Variants in RARS2 observed in about 807,000 individuals in gnomAD.
The protein encoded by RARS2 is probable arginine--tRNA ligase, mitochondrial.
In RARS2, 67 loss-of-function variants were observed where a neutral mutation model predicts 88.5. The ratio of observed to expected loss-of-function variants is 0.76; its 90% CI spans 0.62 to 0.93. The LOEUF is 0.93. Among genes scored for constraint, RARS2 ranks in the 40% least tolerant of loss-of-function variants. The probability of loss-of-function intolerance (pLI) is 0.00; values close to 1 mark genes in which losing one functional copy is unlikely to be tolerated. For synonymous variants in RARS2, 239 were observed against 230.3 expected (o/e 1.04, Z -0.34); for missense variants, 664 against 684.2 (o/e 0.97, Z 0.33).
At position 87,555,355 on chromosome 6, in the gene RARS2, T is replaced by C. The variant is rs1785544673; in HGVS notation, c.395+53A>G. 8 of 1,370,984 alleles carry C rather than the reference T, an allele frequency of 5.8e-6. No individual in the cohort carries two copies. The South Asian group carries it at 9.3e-5, about 16-fold the overall frequency. 84.9% of individuals were successfully genotyped at this position (1,370,984 alleles called of 1,614,324 possible). A position where few individuals can be genotyped will look rare whatever the true frequency, so the allele number is the denominator to read the frequency against. ...CCCCAAATAATGATGGTAATAACAC[T>C]CCTCTGCCCAGTCAACTTGATTAAG... is the stretch of plus-strand genomic sequence containing the variant. On this transcript the variant is annotated intron_variant, in intron 5 of 19. Transcript: ENST00000369536.
intron 10 of RARS2, among the ~76,000 whole-genome samples, chr6:87,526,523 AAAAC>A (rs1325285844): frequency 6.6e-6 from 1 of 151,986 alleles, no homozygotes; most frequent in Non-Finnish European, 1.5e-5. Context: ...CTTAAAAAAA[AAAAC>A]AAAGCTAGAG....
Position 87,589,965 on chromosome 6 carries a change from T to A in RARS2, c.-8A>T. 1 of 1,614,218 alleles carries A rather than the reference T, an allele frequency of 6.2e-7. No individual in the cohort carries two copies. The highest frequency in any genetic ancestry group is 8.5e-7 in the Non-Finnish European group (1 of 1,180,036). ...GCGAAAGCCGCACGCCATGTCCACC[T>A]CTACGGAAGTGCGCCGCAGTCCGCC... is the stretch of plus-strand genomic sequence containing the variant. On this transcript the variant is annotated 5_prime_UTR_variant, in exon 1 of 20. Coordinates refer to ENST00000369536, the MANE Select transcript of RARS2 (RefSeq NM_020320.5).
intron 1 of RARS2, among the ~76,000 whole-genome samples, chr6:87,586,552 C>G (rs1461983407): frequency 6.6e-6 from 1 of 152,206 alleles, no homozygotes; most frequent in African/African-American, 2.4e-5. Context: ...AATGCAATTA[C>G]CGGTTTACAT....
At chr6:87,584,881 C>G in intron 1 of RARS2, 2 of 307,764 alleles carry the variant, frequency 6.5e-6, no homozygotes, top group South Asian at 5.3e-5. Flanking sequence ...ATGTCTAAGA[C>G]AACCGAAGTC....
At chr6:87,544,499 G>C (rs903588888) in intron 7 of RARS2, among the ~76,000 whole-genome samples, 4 of 152,232 alleles carry the variant, frequency 2.6e-5, no homozygotes, top group Admixed American at 1.3e-4. Flanking sequence ...CTGGATACCA[G>C]GAAATTGGTG....
chr6:87,584,713 T>C (rs753364807), intron 1 of RARS2: 1 of 466,556 alleles, frequency 2.1e-6, no homozygotes, highest in South Asian at 1.5e-5. Context: ...AAACCCAGCT[T>C]CTCAGAAAGA....
Position 87,545,645 on chromosome 6 carries a change from T to A in RARS2, c.506A>T (p.Asn169Ile). 3 of 1,613,772 alleles carry A rather than the reference T, an allele frequency of 1.9e-6. No homozygotes were observed. Among genetic ancestry groups the A allele is most frequent in the Non-Finnish European group, 1.7e-6 (2 of 1,179,892 alleles). ...CTGCATGCCCCAATCGCCAAGGTAA[T>A]TTATTCTTATTACTTGATGTCCTAA... ...EALGHQVIRINYLGDWGMQFG... is the reference protein window; with the variant it reads ...EALGHQVIRIIYLGDWGMQFG... The change falls in exon 7 of 20, where the codon AAT (asparagine) becomes ATT (isoleucine). Residue 169 changes from asparagine to isoleucine, a missense_variant. Asn to Ile is a moderately radical substitution (Grantham distance 149, BLOSUM62 -3). Transcript: ENST00000369536.
intron 1 of RARS2, among the ~76,000 whole-genome samples, chr6:87,582,757 A>G (rs1399877332): frequency 6.6e-6 from 1 of 152,196 alleles, no homozygotes; most frequent in East Asian, 1.9e-4. Context: ...AAATGACAAC[A>G]ATTAGACAAC....
intron 18 of RARS2, chr6:87,516,033 T>C (rs1230768116): frequency 2.0e-5 from 3 of 149,820 alleles, no homozygotes; most frequent in Non-Finnish European, 3.0e-5. Context: ...AAGAAAAAAA[T>C]CCTTACATAA....
intron 1 of RARS2, among the ~76,000 whole-genome samples, chr6:87,580,029 G>A (rs574958934): frequency 2.6e-5 from 4 of 152,130 alleles, no homozygotes; most frequent in East Asian, 3.9e-4. Flanking sequence ...GCGAGCCACC[G>A]CCCCAGGCTT....
At chr6:87,519,312 C>G (rs1319528049) in intron 14 of RARS2, 14 of 385,252 alleles carry the variant, frequency 3.6e-5, no homozygotes, top group Non-Finnish European at 9.7e-6. Flanking sequence ...AACATAGAAA[C>G]TTCACGTAAT....
At position 87,533,284 on chromosome 6, in the gene RARS2, T is replaced by C. The variant is rs572221614; in HGVS notation, c.613-2342A>G. Among the ~76,000 whole-genome samples, 13 of 92,628 alleles carry C rather than the reference T, an allele frequency of 1.4e-4. No homozygotes were observed. In the East Asian group the frequency reaches 3.7e-3, roughly 26 times the overall value. 60.8% of individuals were successfully genotyped at this position (92,628 alleles called of 152,430 possible). ...AGAAATAATTAAAACAAAAAGCCCT[T>C]AAAACGTGAATATTCTTAGTATTTC... On this transcript the variant is annotated intron_variant, in intron 8 of 19. Coordinates refer to ENST00000369536, the MANE Select transcript of RARS2 (RefSeq NM_020320.5).
intron 11 of RARS2, among the ~76,000 whole-genome samples, chr6:87,522,948 T>C (rs1774417557): frequency 6.6e-6 from 1 of 152,176 alleles, no homozygotes; most frequent in Admixed American, 6.5e-5. Context: ...ACCACAGATA[T>C]GTATACAATA....
chr6:87,522,731 T>A (rs1774347007), intron 11 of RARS2, among the ~76,000 whole-genome samples: 1 of 152,158 alleles, frequency 6.6e-6, no homozygotes, highest in Non-Finnish European at 1.5e-5. Context: ...CCTCAGGTGA[T>A]CTACCCTCCT....
intron 5 of RARS2, among the ~76,000 whole-genome samples, chr6:87,554,994 C>T (rs1353681076): frequency 6.6e-6 from 1 of 151,994 alleles, no homozygotes; most frequent in Non-Finnish European, 1.5e-5. Flanking sequence ...GTCCCAGCTA[C>T]TCAGGAGGCT....
At chr6:87,584,226 A>G (rs1774444896) in intron 1 of RARS2, among the ~76,000 whole-genome samples, 1 of 152,222 alleles carries the variant, frequency 6.6e-6, no homozygotes, top group Non-Finnish European at 1.5e-5. Flanking sequence ...TGGGAAATTG[A>G]CACACAAAAT....
intron 1 of RARS2, among the ~76,000 whole-genome samples, chr6:87,579,170 T>C (rs1397885388): frequency 1.3e-5 from 2 of 152,014 alleles, no homozygotes; most frequent in Non-Finnish European, 2.9e-5. Context: ...TAAACCTGAG[T>C]CTTCCATGGT....
intron 1 of RARS2, among the ~76,000 whole-genome samples, chr6:87,582,266 C>T (rs878920393): frequency 9.2e-5 from 14 of 152,142 alleles, no homozygotes; most frequent in Admixed American, 6.6e-4. Flanking sequence ...TCACCAGCAT[C>T]TGTTGTTTCT....
At chr6:87,519,802 TCAGAG>T (rs1331485619) in intron 13 of RARS2, 95 bp from the exon 14 acceptor site, 11 of 1,434,606 alleles carry the variant, frequency 7.7e-6, no homozygotes, top group Admixed American at 5.1e-5. Flanking sequence ...ACTTTAACCA[TCAGAG>T]CAGAGTTTTT....
Sources: allele counts gnomAD v4.1 joint callset (sites outside exome capture counted in the v4.1 genomes callset), GRCh38; gene constraint gnomAD v4.1.1; transcripts MANE v1.5; gene names NCBI Gene and HGNC (gene_info 2026-07-23, HGNC 2026-07-21).